Variants in LDLRAD3 observed in about 807,000 individuals in gnomAD.
The protein encoded by LDLRAD3 is low-density lipoprotein receptor class A domain-containing protein 3.
A neutral mutation model predicts 29.4 loss-of-function variants in LDLRAD3; 20 were observed. That is an observed-to-expected ratio of 0.68 (90% CI 0.48 to 0.99). The LOEUF (loss-of-function observed/expected upper bound fraction) is 0.99. Among genes scored for constraint, LDLRAD3 ranks in the 50% least tolerant of loss-of-function variants. The pLI, the probability that LDLRAD3 is intolerant of heterozygous loss-of-function variation, is 0.00. For synonymous variants in LDLRAD3, 157 were observed against 192.7 expected (o/e 0.81, Z 1.53); for missense variants, 420 against 454.3 (o/e 0.92, Z 0.69).
At chr11:36,099,334 G>GA (rs11403636) in intron 4 of LDLRAD3, among the ~76,000 whole-genome samples, 33,986 of 152,090 alleles carry the variant, frequency 0.22, 3,931 homozygotes, top group Admixed American at 0.3. Flanking sequence ...TCAGTGATTA[G>GA]AAATACTAAG....
At chr11:35,949,810 G>T (rs1370769896) in intron 1 of LDLRAD3, among the ~76,000 whole-genome samples, 1 of 152,146 alleles carries the variant, frequency 6.6e-6, no homozygotes, top group Non-Finnish European at 1.5e-5. Context: ...GAATTCACAG[G>T]ATGCAAGGTG....
chr11:36,101,139 T>C (rs1236008134), intron 4 of LDLRAD3, among the ~76,000 whole-genome samples: 1 of 152,156 alleles, frequency 6.6e-6, no homozygotes, highest in East Asian at 1.9e-4. Flanking sequence ...ATAAGCTACA[T>C]ATGCACGTGC....
At chr11:36,063,924 A>G (rs562286112) in intron 2 of LDLRAD3, among the ~76,000 whole-genome samples, 2 of 152,240 alleles carry the variant, frequency 1.3e-5, no homozygotes, top group African/African-American at 2.4e-5. Flanking sequence ...TGAATTTATG[A>G]TCAGCTTGTC....
intron 2 of LDLRAD3, among the ~76,000 whole-genome samples, chr11:36,045,389 GGC>G (rs1852434784): frequency 6.6e-6 from 1 of 152,176 alleles, no homozygotes; most frequent in Non-Finnish European, 1.5e-5. Context: ...CAAACTGGGT[GGC>G]TTAGAACAAC....
intron 4 of LDLRAD3, among the ~76,000 whole-genome samples, chr11:36,111,694 G>A (rs535610965): frequency 2.0e-5 from 3 of 151,806 alleles, no homozygotes; most frequent in South Asian, 4.2e-4. Context: ...TCCGCCTCCC[G>A]GGTTCAAGCA....
At chr11:35,952,344 A>G (rs1196234814) in intron 1 of LDLRAD3, among the ~76,000 whole-genome samples, 1 of 152,176 alleles carries the variant, frequency 6.6e-6, no homozygotes, top group Non-Finnish European at 1.5e-5. Context: ...CCAGCATTGC[A>G]TAGGGATGTC....
At chr11:36,206,171 G>A (rs192280592) in intron 4 of LDLRAD3, among the ~76,000 whole-genome samples, 2 of 152,304 alleles carry the variant, frequency 1.3e-5, no homozygotes, top group African/African-American at 2.4e-5. Flanking sequence ...TTGAAATATC[G>A]AGTGGTGATA....
At chr11:36,140,992 T>TTCTCCCTCTCTC (rs1854074360) in intron 4 of LDLRAD3, among the ~76,000 whole-genome samples, 1 of 109,996 alleles carries the variant, frequency 9.1e-6, no homozygotes, top group Admixed American at 1.1e-4. Context: ...CTGTTGAGCT[T>TTCTCCCTCTCTC]TCTCTCTCTC....
At chr11:36,038,841 CCT>C (rs1371806336) in intron 2 of LDLRAD3, among the ~76,000 whole-genome samples, 1 of 152,164 alleles carries the variant, frequency 6.6e-6, no homozygotes, top group Non-Finnish European at 1.5e-5. Context: ...CATACATTAA[CCT>C]CTCTCTGTAG....
chr11:36,027,790 G>A (rs1430086209), intron 1 of LDLRAD3, among the ~76,000 whole-genome samples: 1 of 152,230 alleles, frequency 6.6e-6, no homozygotes, highest in Non-Finnish European at 1.5e-5. Context: ...TTTTTGGGCA[G>A]TGGCTGTTCC....
chr11:36,200,427 A>G (rs1855110628), intron 4 of LDLRAD3, among the ~76,000 whole-genome samples: 2 of 152,170 alleles, frequency 1.3e-5, no homozygotes, highest in African/African-American at 4.8e-5. Flanking sequence ...CAAAGGCTTC[A>G]TCTTAACCAC....
At chr11:36,193,824 G>A (rs1854991873) in intron 4 of LDLRAD3, among the ~76,000 whole-genome samples, 1 of 152,148 alleles carries the variant, frequency 6.6e-6, no homozygotes, top group Non-Finnish European at 1.5e-5. Context: ...GAGTGTAGTG[G>A]AAAGGGCTTG....
At chr11:36,073,543 G>GTCA (rs778691439) in intron 2 of LDLRAD3, among the ~76,000 whole-genome samples, 3 of 152,274 alleles carry the variant, frequency 2.0e-5, no homozygotes, top group Non-Finnish European at 4.4e-5. Context: ...CCTGTAGCAA[G>GTCA]TCATGCAGGC....
intron 3 of LDLRAD3, among the ~76,000 whole-genome samples, chr11:36,096,559 G>T (rs1248717004): frequency 6.6e-6 from 1 of 152,240 alleles, no homozygotes; most frequent in Non-Finnish European, 1.5e-5. Context: ...TTCACATAAT[G>T]AGGGGAATGA....
At chr11:36,226,077 A>ATAAAT (rs889125927) in intron 4 of LDLRAD3, among the ~76,000 whole-genome samples, 1 of 151,720 alleles carries the variant, frequency 6.6e-6, no homozygotes, top group Non-Finnish European at 1.5e-5. Context: ...AAATAAATAA[A>ATAAAT]TAAATAAATA....
chr11:35,968,391 G>A, intron 1 of LDLRAD3: 1 of 358,446 alleles, frequency 2.8e-6, no homozygotes. Flanking sequence ...CTGGCACCAT[G>A]TGGCTGCTTG....
At chr11:36,071,352 C>G (rs377459000) in intron 2 of LDLRAD3, among the ~76,000 whole-genome samples, 9 of 152,240 alleles carry the variant, frequency 5.9e-5, no homozygotes, top group African/African-American at 2.2e-4. Flanking sequence ...AGTCAACAGT[C>G]AAAAGGATAC....
chr11:36,229,612 C>T lies in LDLRAD3; in HGVS notation c.*215C>T. 4.2e-6 allele frequency: 2 copies of T among 471,074 alleles called. No homozygotes were observed. The highest frequency in any genetic ancestry group is 7.5e-6 in the Non-Finnish European group (2 of 266,236). 29.2% of individuals were successfully genotyped at this position (471,074 alleles called of 1,614,324 possible). A position where few individuals can be genotyped will look rare whatever the true frequency, so the allele number is the denominator to read the frequency against. On this transcript the variant is annotated 3_prime_UTR_variant, in exon 6 of 6. Transcript: ENST00000315571. The stretch of plus-strand genomic sequence containing the variant: ...ATGATCTGTTGTGCGTCTTTTCTGT[C>T]AGGTCACTCTTCCCTTGGGACCCGA...
rs528111235 is a variant in LDLRAD3 at position 36,199,146 on chromosome 11, C to T, written c.455-27939C>T. ...TGATCTCCTAACCTCGTGATCCGCC[C>T]ACCTTGGCCTACCAAAGAGCTGGGA... On this transcript the variant is annotated intron_variant, in intron 4 of 5. Coordinates refer to ENST00000315571, the MANE Select transcript of LDLRAD3 (RefSeq NM_174902.4). Among the ~76,000 whole-genome samples the T allele has an allele frequency of 4.6e-5, 7 of 152,172 alleles. No homozygotes were observed. The East Asian group carries it at 1.4e-3, about 30-fold the overall frequency.
Sources: gnomAD v4.1 joint callset for allele counts (sites outside exome capture counted in the v4.1 genomes callset) on GRCh38, gnomAD v4.1.1 for gene constraint, MANE v1.5 for transcripts, NCBI Gene and HGNC (gene_info 2026-07-23, HGNC 2026-07-21) for gene names.